The following RPS6KA5 variants were observed in gnomAD, a reference collection of about 807,000 sequenced individuals.
RPS6KA5 encodes ribosomal protein S6 kinase A5.
In RPS6KA5, 27 loss-of-function variants were observed where a neutral mutation model predicts 85.5. That is an observed-to-expected ratio of 0.32 (90% CI 0.23 to 0.44). The LOEUF is 0.44. Among genes scored for constraint, RPS6KA5 ranks in the 20% least tolerant of loss-of-function variants. The probability of loss-of-function intolerance (pLI) is 1.00; values close to 1 mark genes in which losing one functional copy is unlikely to be tolerated. For missense variants in RPS6KA5, 811 were observed against 980.9 expected (o/e 0.83, Z 2.31); for synonymous variants, 334 against 348.2 (o/e 0.96, Z 0.46).
intron 1 of RPS6KA5, among the ~76,000 whole-genome samples, chr14:91,042,405 C>T (rs1019977912): frequency 2.7e-5 from 4 of 148,138 alleles, no homozygotes; most frequent in Non-Finnish European, 4.5e-5. Flanking sequence ...CCAGCTATTC[C>T]GGAGGCTGAG....
intron 3 of RPS6KA5, among the ~76,000 whole-genome samples, chr14:90,972,342 G>A (rs1345671915): frequency 6.6e-6 from 1 of 152,120 alleles, no homozygotes; most frequent in South Asian, 2.1e-4. Context: ...CAGGGGCAGA[G>A]GGCAACTAAC....
intron 2 of RPS6KA5, among the ~76,000 whole-genome samples, chr14:90,983,023 G>A (rs1034913027): frequency 6.6e-6 from 1 of 152,030 alleles, no homozygotes; most frequent in Non-Finnish European, 1.5e-5. Flanking sequence ...TGACGCAGGA[G>A]GATGGCATGA....
chr14:90,891,435 T>C (rs2034551502), intron 13 of RPS6KA5, among the ~76,000 whole-genome samples: 1 of 152,074 alleles, frequency 6.6e-6, no homozygotes, highest in South Asian at 2.1e-4. Flanking sequence ...TACTACTTTT[T>C]GTATTTATCA....
At chr14:90,981,528 T>C (rs1218722584) in intron 2 of RPS6KA5, among the ~76,000 whole-genome samples, 4 of 152,262 alleles carry the variant, frequency 2.6e-5, no homozygotes, top group African/African-American at 9.6e-5. Context: ...AAAATCATCC[T>C]GATTGCTATG....
At chr14:91,040,217 G>C (rs987228603) in intron 1 of RPS6KA5, among the ~76,000 whole-genome samples, 1 of 152,134 alleles carries the variant, frequency 6.6e-6, no homozygotes, top group Non-Finnish European at 1.5e-5. Flanking sequence ...GACCAGCCTA[G>C]AACCAATATG....
Position 90,902,844 on chromosome 14 carries a change from G to A in RPS6KA5, c.1083C>T (p.Pro361=), listed in dbSNP as rs141403978. Residue 361 remains proline (P), a synonymous_variant, in exon 9 of 17, where the codon CCC becomes CCT. Transcript: ENST00000614987. ...TCTCAGAACTCTGGGGCAGGGCTGCGGGAGAATAAGTGGGATCCATTTCTG... is the reference window on the plus strand; with the variant it reads ...TCTCAGAACTCTGGGGCAGGGCTGCAGGAGAATAAGTGGGATCCATTTCTG... ...EFTEMDPTYS[P]AALPQSSEKL... The A allele has an allele frequency of 1.1e-4, 173 of 1,613,688 alleles. No homozygotes were observed. Among genetic ancestry groups the A allele is most frequent in the Non-Finnish European group, 1.3e-4 (158 of 1,179,854 alleles).
At chr14:91,033,427 C>T (rs950525890) in intron 1 of RPS6KA5, among the ~76,000 whole-genome samples, 3 of 151,868 alleles carry the variant, frequency 2.0e-5, no homozygotes, top group South Asian at 2.1e-4. Context: ...ATGGCAAAAC[C>T]CTGCCTCTAC....
chr14:90,971,314 A>G (rs1037938319), intron 3 of RPS6KA5, among the ~76,000 whole-genome samples: 3 of 152,120 alleles, frequency 2.0e-5, no homozygotes, highest in Non-Finnish European at 2.9e-5. Flanking sequence ...ACTCCATCTC[A>G]AAAAGAAAAA....
At position 90,900,146 on chromosome 14, in the gene RPS6KA5, T is replaced by A. The variant is rs776931899; in HGVS notation, c.1341A>T (p.Lys447Asn). Residue 447 changes from lysine (K) to asparagine (N), a missense_variant, in exon 11 of 17, where the codon AAA (lysine) becomes AAT (asparagine). By Grantham distance (94) the Lys-to-Asn change is moderately conservative. Coordinates refer to ENST00000614987, the MANE Select transcript of RPS6KA5 (RefSeq NM_004755.4). ...FSICRKCVHKKSNQAFAVKII... is the reference protein window; with the variant it reads ...FSICRKCVHKNSNQAFAVKII... ...TTTTGACTGCAAAAGCTTGGTTACT[T>A]TTTTTATGCACACACTTTCGACAAA... The A allele has an allele frequency of 1.9e-6, 3 of 1,605,674 alleles. No individual in the cohort carries two copies. The South Asian group carries it at 3.4e-5, about 18-fold the overall frequency.
At chr14:90,993,338 G>A (rs1282385475) in intron 2 of RPS6KA5, among the ~76,000 whole-genome samples, 4 of 152,170 alleles carry the variant, frequency 2.6e-5, no homozygotes, top group Non-Finnish European at 5.9e-5. Context: ...TACTCAGGGG[G>A]CTGAGGCAGG....
chr14:90,991,834 C>A (rs920557572), intron 2 of RPS6KA5, among the ~76,000 whole-genome samples: 2 of 151,580 alleles, frequency 1.3e-5, no homozygotes, highest in East Asian at 3.9e-4. Context: ...CCAAAGGAAA[C>A]CAGATAGTTC....
At chr14:90,913,217 G>A (rs192787394) in intron 7 of RPS6KA5, among the ~76,000 whole-genome samples, 14 of 151,878 alleles carry the variant, frequency 9.2e-5, no homozygotes, top group Admixed American at 3.3e-4. Flanking sequence ...CCGGCCACAT[G>A]AAGCATCTTA....
At chr14:90,909,936 T>C (rs974644894) in intron 7 of RPS6KA5, among the ~76,000 whole-genome samples, 17 of 152,152 alleles carry the variant, frequency 1.1e-4, no homozygotes, top group African/African-American at 3.9e-4. Context: ...CCACCATGCC[T>C]GGCTAATTTT....
intron 1 of RPS6KA5, among the ~76,000 whole-genome samples, chr14:91,056,660 C>T (rs2043329326): frequency 1.3e-5 from 2 of 152,098 alleles, no homozygotes; most frequent in African/African-American, 4.8e-5. Flanking sequence ...GTCCTATCAT[C>T]CAAGCATCTA....
intron 1 of RPS6KA5, among the ~76,000 whole-genome samples, chr14:91,018,817 T>C (rs2041614661): frequency 6.6e-6 from 1 of 152,080 alleles, no homozygotes; most frequent in African/African-American, 2.4e-5. Flanking sequence ...CACCTTGTGA[T>C]TGTGTGTGCC....
intron 5 of RPS6KA5, among the ~76,000 whole-genome samples, chr14:90,924,026 A>G (rs1262973786): frequency 6.6e-6 from 1 of 152,100 alleles, no homozygotes; most frequent in Non-Finnish European, 1.5e-5. Flanking sequence ...GGCCTCTCTT[A>G]TAGTTCATTT....
At chr14:90,872,406 C>T in intron 16 of RPS6KA5, 84 bp from the exon 17 acceptor site, 1 of 1,479,042 alleles carries the variant, frequency 6.8e-7, no homozygotes, top group Non-Finnish European at 9.0e-7. Flanking sequence ...CAGAAGACAA[C>T]TTTCCATTGG....
intron 1 of RPS6KA5, among the ~76,000 whole-genome samples, chr14:91,015,659 TTC>T (rs1251671553): frequency 6.6e-6 from 1 of 152,250 alleles, no homozygotes; most frequent in East Asian, 1.9e-4. Flanking sequence ...CTTTTCCTTT[TTC>T]TGTTTTCCAG....
Position 90,873,536 on chromosome 14 carries a change from T to C in RPS6KA5, c.2160+96A>G, listed in dbSNP as rs890562349. 3.5e-6 allele frequency: 4 copies of C among 1,140,396 alleles called. No homozygotes were observed. In the South Asian group the frequency reaches 7.6e-5, roughly 22 times the overall value. The allele number at this position is 1,140,396 out of a possible 1,614,324, so 70.6% of individuals were successfully genotyped here. ...AAAAGGACACATATTATTTTAAATG[T>C]GAAACAAAGAAAACGTATCTGAGGC... On this transcript the variant is annotated intron_variant, in intron 16 of 16. Transcript: ENST00000614987.
Sources: gnomAD v4.1 joint callset for allele counts (sites outside exome capture counted in the v4.1 genomes callset) on GRCh38, gnomAD v4.1.1 for gene constraint, MANE v1.5 for transcripts, NCBI Gene and HGNC (gene_info 2026-07-23, HGNC 2026-07-21) for gene names.